MBD1: variants seen among roughly 807,000 people sequenced by gnomAD.
MBD1 encodes the protein methyl-CpG-binding domain protein 1.
Under a neutral mutation model 82.6 loss-of-function variants are expected in MBD1, and 25 were observed. That is an observed-to-expected ratio of 0.30 (90% CI 0.22 to 0.42). The LOEUF (loss-of-function observed/expected upper bound fraction) is 0.42, where lower values mean the gene tolerates loss of function less well. MBD1 is among the 10% of genes least tolerant of loss of function. The pLI, the probability that MBD1 is intolerant of heterozygous loss-of-function variation, is 1.00. For synonymous variants in MBD1, 301 were observed against 303.7 expected, an observed-to-expected ratio of 0.99 and a Z score of 0.09; for missense variants, 627 against 819.6, an observed-to-expected ratio of 0.76 and a Z score of 2.87.
chr18:50,273,020 A>G (rs2036268404), intron 13 of MBD1, 65 bp from the exon 14 acceptor site: 4 of 1,590,282 alleles, frequency 2.5e-6, no homozygotes, highest in Non-Finnish European at 3.4e-6. Flanking sequence ...AGTCTCTATC[A>G]GCCAACCCCT....
downstream of MBD1, chr18:50,267,596 C>G: frequency 6.5e-7 from 1 of 1,534,824 alleles, no homozygotes; most frequent in South Asian, 1.2e-5. Flanking sequence ...AATCAGGGAA[C>G]CAGGACGGAC....
At chr18:50,275,293 A>T in intron 8 of MBD1, 48 bp from the exon 9 acceptor site, 1 of 1,610,742 alleles carries the variant, frequency 6.2e-7, no homozygotes, top group Non-Finnish European at 8.5e-7. Flanking sequence ...CACCAGGCAG[A>T]CACAGAAACT....
intron 1 of MBD1, among the ~76,000 whole-genome samples, chr18:50,280,727 A>T (rs2039910212): frequency 6.6e-6 from 1 of 151,234 alleles, no homozygotes; most frequent in Admixed American, 6.6e-5. Context: ...TTCTCCTTCA[A>T]TGTTCTCACC....
In MBD1 at chr18:50,273,879, G is replaced by A. The variant is rs201706798; in HGVS notation, c.1147-16C>T. 6.2e-7 allele frequency: 1 copy of A among 1,610,394 alleles called. No individual in the cohort carries two copies. Among genetic ancestry groups the A allele is most frequent in the Non-Finnish European group, 8.5e-7 (1 of 1,179,904 alleles). ...GCAGCCGCTTCTATGGGGAAAGATA[G>A]GGTGCTATGGCTACCTGGTGTCCTG... is the stretch of plus-strand genomic sequence containing the variant. On this transcript the variant is annotated splice_polypyrimidine_tract_variant and intron_variant, in intron 11 of 16. Coordinates refer to ENST00000269468, the MANE Select transcript of MBD1 (RefSeq NM_015846.4).
At chr18:50,281,542 C>T, upstream of MBD1, 2 of 576,414 alleles carry the variant, frequency 3.5e-6, no homozygotes, top group South Asian at 4.4e-5. Flanking sequence ...AAGTCCGCTG[C>T]CTGCCTCTCG....
intron 16 of MBD1, 134 bp from the exon 17 acceptor site, chr18:50,269,952 G>A: frequency 6.8e-7 from 1 of 1,464,184 alleles, no homozygotes; most frequent in South Asian, 1.1e-5. Context: ...TATCTTAGTG[G>A]TTCTGCTCCT....
intron 15 of MBD1, 30 bp from the exon 16 acceptor site, chr18:50,271,570 G>C: frequency 6.2e-7 from 1 of 1,614,058 alleles, no homozygotes; most frequent in Non-Finnish European, 8.5e-7. Context: ...TCTGTATGTT[G>C]AATGAGGTTT....
chr18:50,270,751 G>A (rs1163483606), intron 16 of MBD1: 1 of 189,114 alleles, frequency 5.3e-6, no homozygotes, highest in Non-Finnish European at 1.1e-5. Context: ...AACCATGCTA[G>A]AGACAGGAAT....
At chr18:50,270,347 A>C in intron 16 of MBD1, 2 of 656,540 alleles carry the variant, frequency 3.0e-6, no homozygotes, top group Admixed American at 2.0e-5. Context: ...TTACAGGTCT[A>C]ATCTTTTTGG....
chr18:50,271,996 T>A (rs540862811), intron 15 of MBD1, among the ~76,000 whole-genome samples: 1 of 152,176 alleles, frequency 6.6e-6, no homozygotes, highest in East Asian at 1.9e-4. Context: ...ACCACCCTAG[T>A]CCTTACAGGC....
In MBD1 at chr18:50,275,920, G is replaced by A; in HGVS notation, c.578C>T (p.Thr193Ile). The A allele has an allele frequency of 6.2e-7, 1 of 1,614,088 alleles. No individual in the cohort carries two copies. Among genetic ancestry groups the A allele is most frequent in the Non-Finnish European group, 8.5e-7 (1 of 1,180,040 alleles). ...ATCATGGGGCAGCTGCAGGAGGCAG[G>A]TGGAGCAGGCCCCACAGTCTTCTGT... ...QVTEDCGACS[T>I]CLLQLPHDVA... Residue 193 changes from threonine to isoleucine, a missense_variant, in exon 7 of 17, where the codon ACC (threonine) becomes ATC (isoleucine). This residue lies in a region of MBD1 where 228 missense variants were observed against 318.1 expected (regional missense o/e 0.72). Transcript: ENST00000269468.
intron 16 of MBD1, chr18:50,270,216 T>C: frequency 6.7e-7 from 1 of 1,494,766 alleles, no homozygotes; most frequent in East Asian, 2.3e-5. Flanking sequence ...AAATGGCTAA[T>C]CCATGTCTGA....
Position 50,274,278 on chromosome 18 carries a change from G to A in MBD1, c.1054C>T (p.Arg352Cys), listed in dbSNP as rs1424033110. The A allele has an allele frequency of 4.3e-6, 7 of 1,613,928 alleles. No homozygotes were observed. Among genetic ancestry groups the A allele is most frequent in the East Asian group, 2.2e-5 (1 of 44,884 alleles). ...AACLRRMDCG[R>C]CDFCCDKPKF... The stretch of plus-strand genomic sequence containing the variant: ...GGCTTGTCGCAGCAGAAGTCGCAGC[G>A]GCCACAGTCCATCCGCCGTAGGCAG... Residue 352 changes from arginine (R) to cysteine (C), a missense_variant, in exon 11 of 17, where the codon CGC (arginine) becomes TGC (cysteine). Transcript: ENST00000269468.
chr18:50,276,759 G>A lies in MBD1; in HGVS notation c.393-15C>T. ...TCTCACAGCACCTGGGATGGGAAAG[G>A]CAGGTGTGGGGCTCCAAGAGCACCC... On this transcript the variant is annotated splice_polypyrimidine_tract_variant and intron_variant, in intron 4 of 16. Coordinates refer to ENST00000269468, the MANE Select transcript of MBD1 (RefSeq NM_015846.4). The A allele has an allele frequency of 1.2e-6, 2 of 1,614,118 alleles. No homozygotes were observed. Among genetic ancestry groups the A allele is most frequent in the Non-Finnish European group, 1.7e-6 (2 of 1,179,962 alleles).
In MBD1 at chr18:50,273,383, C is replaced by T; in HGVS notation, c.1535G>A (p.Gly512Asp). The change falls in exon 13 of 17, where the codon GGC becomes GAC. Residue 512 changes from glycine to aspartate, a missense_variant. Gly to Asp is a moderately conservative substitution (Grantham distance 94). Around this residue, in one of 6 missense-constraint regions of MBD1, gnomAD observed 265 missense variants for 278.4 expected, o/e 0.95. Transcript: ENST00000269468. Reference protein sequence around the residue: ...KADTQDEWTPGTAVLTSPVLV... With the variant: ...KADTQDEWTPDTAVLTSPVLV... The stretch of plus-strand genomic sequence containing the variant: ...TACGGGAGAAGTCAGGACAGCTGTG[C>T]CTGGTGTCCACTCGTCCTGGGTATC... 1 of 1,614,186 alleles carries T rather than the reference C, an allele frequency of 6.2e-7. No individual in the cohort carries two copies. Among genetic ancestry groups the T allele is most frequent in the Non-Finnish European group, 8.5e-7 (1 of 1,180,038 alleles).
rs1342663698 is a variant in MBD1, at chr18:50,273,752, T to C, written c.1258A>G (p.Thr420Ala). ...CGTGTAGCCAAGGTGGGCTTCAAGG[T>C]AGGGCCAAGATGGTGCCGTCGGGCA... ...SSARRHHLGP[T>A]LKPTLATRTA... Residue 420 changes from threonine to alanine, a missense_variant, in exon 12 of 17, where the codon ACC (threonine) becomes GCC (alanine). By Grantham distance (58) the Thr-to-Ala change is moderately conservative. Transcript: ENST00000269468. The C allele has an allele frequency of 4.3e-6, 7 of 1,614,126 alleles. No individual in the cohort carries two copies. Among genetic ancestry groups the C allele is most frequent in the Non-Finnish European group, 5.9e-6 (7 of 1,180,046 alleles).
intron 16 of MBD1, chr18:50,270,296 G>A (rs1599210877): frequency 2.5e-6 from 2 of 809,952 alleles, no homozygotes; most frequent in Non-Finnish European, 2.2e-6. Context: ...AGTTTAAGGA[G>A]GCACTCACTC....
intron 2 of MBD1, among the ~76,000 whole-genome samples, chr18:50,279,083 T>G (rs1407479449): frequency 6.6e-6 from 1 of 152,232 alleles, no homozygotes; most frequent in Admixed American, 6.5e-5. Flanking sequence ...CATGCAGGTT[T>G]AACATGTTTC....
At position 50,281,507 on chromosome 18, in the gene MBD1, G is replaced by T. The variant is rs749119573; in HGVS notation, c.-170C>A. 2.0e-4 allele frequency: 117 copies of T among 579,438 alleles called. 5 individuals carry two copies. The highest frequency in any genetic ancestry group is 1.3e-4 in the Non-Finnish European group (43 of 326,286). The allele number at this position is 579,438 out of a possible 1,614,324, so 35.9% of individuals were successfully genotyped here. ...CTGAAGCGGTAGCTGTCGCCTCCGCGGCTGTTCGTTGCTCCCGGAACCGGA... is the reference window on the plus strand; with the variant it reads ...CTGAAGCGGTAGCTGTCGCCTCCGCTGCTGTTCGTTGCTCCCGGAACCGGA... On this transcript the variant is annotated 5_prime_UTR_variant, in exon 1 of 17. Transcript: ENST00000269468.
Sources: allele counts gnomAD v4.1 joint callset (sites outside exome capture counted in the v4.1 genomes callset), GRCh38; gene constraint gnomAD v4.1.1; regional missense constraint gnomAD v4.1.1; transcripts MANE v1.5; gene names NCBI Gene and HGNC (gene_info 2026-07-23, HGNC 2026-07-21).